EXD3: variants seen among roughly 807,000 people sequenced by gnomAD.
EXD3 encodes exonuclease 3'-5' domain containing 3, also known as exonuclease mut-7 homolog.
In EXD3, 92 loss-of-function variants were observed where a neutral mutation model predicts 98.0. That is an observed-to-expected ratio of 0.94 (90% CI 0.79 to 1.12). The LOEUF is 1.12. EXD3 is among the 50% of genes most tolerant of loss of function. EXD3 has a pLI of 0.00. For synonymous variants in EXD3, 569 were observed against 526.0 expected (o/e 1.08, Z -1.12); for missense variants, 1,222 against 1,191.6 (o/e 1.03, Z -0.38).
intron 7 of EXD3, among the ~76,000 whole-genome samples, chr9:137,363,631 A>C (rs908101395): frequency 6.6e-6 from 1 of 152,052 alleles, no homozygotes; most frequent in African/African-American, 2.4e-5. Context: ...GAGCCACTGC[A>C]TCCAACCATG....
rs546579680 is a variant in EXD3 at position 137,374,634 on chromosome 9, G to A, written c.121-1035C>T. On this transcript the variant is annotated intron_variant, in intron 3 of 21. Coordinates refer to ENST00000340951, the MANE Select transcript of EXD3 (RefSeq NM_017820.5). The stretch of plus-strand genomic sequence containing the variant: ...CACATGAGTGTGTGAGGAGACCTCA[G>A]CGCTGTCCAGGAGGGTGCCATGCCC... The A allele has an allele frequency of 1.8e-5, 18 of 985,520 alleles. No individual in the cohort carries two copies. The African/African-American group carries it at 3.0e-4, about 16-fold the overall frequency. The allele number at this position is 985,520 out of a possible 1,614,324, so 61.0% of individuals were successfully genotyped here. A position where few individuals can be genotyped will look rare whatever the true frequency, so the allele number is the denominator to read the frequency against.
chr9:137,373,733 C>G (rs544628303), intron 3 of EXD3, 134 bp from the exon 4 acceptor site: 1 of 981,884 alleles, frequency 1.0e-6, no homozygotes, highest in Admixed American at 2.9e-5. Flanking sequence ...CCGCCATCTG[C>G]GCCTCCGTGA....
chr9:137,419,991 C>G (rs1404156778), intron 1 of EXD3, among the ~76,000 whole-genome samples: 1 of 152,036 alleles, frequency 6.6e-6, no homozygotes, highest in Non-Finnish European at 1.5e-5. Flanking sequence ...AACCCCATCT[C>G]TACTAAAAAT....
intron 9 of EXD3, 150 bp from the exon 10 acceptor site, chr9:137,354,527 C>A (rs1834506409): frequency 6.5e-7 from 1 of 1,536,066 alleles, no homozygotes; most frequent in African/African-American, 1.4e-5. Flanking sequence ...AGAGCCAGGG[C>A]CCCATGGCCT....
chr9:137,366,966 G>A (rs999265238), intron 6 of EXD3, among the ~76,000 whole-genome samples: 7 of 152,224 alleles, frequency 4.6e-5, no homozygotes, highest in African/African-American at 7.2e-5. Flanking sequence ...ATGCCTTCTC[G>A]TGGCACATGG....
chr9:137,357,047 G>C (rs1021096234), intron 7 of EXD3, among the ~76,000 whole-genome samples: 10 of 152,200 alleles, frequency 6.6e-5, no homozygotes, highest in African/African-American at 2.4e-4. Flanking sequence ...CAAGACTTCT[G>C]GGTTGAGATA....
Position 137,361,112 on chromosome 9 carries a change from G to A in EXD3, c.657-4744C>T, listed in dbSNP as rs934279144. ...GTGATGGGAAGCGAGGCTGCCAATC[G>A]CTCCATCTTCCCTCCTGGAGAAACT... On this transcript the variant is annotated intron_variant, in intron 7 of 21. Coordinates refer to ENST00000340951, the MANE Select transcript of EXD3 (RefSeq NM_017820.5). Among the ~76,000 whole-genome samples, 9 of 87,186 alleles carry A rather than the reference G, an allele frequency of 1.0e-4. 2 individuals are homozygous for A. The highest frequency in any genetic ancestry group is 2.5e-4 in the African/African-American group (8 of 31,450). 57.2% of individuals were successfully genotyped at this position (87,186 alleles called of 152,430 possible).
intron 17 of EXD3, among the ~76,000 whole-genome samples, chr9:137,327,985 A>G (rs76244315): frequency 3.1e-4 from 1 of 3,258 alleles, no homozygotes; most frequent in Non-Finnish European, 1.1e-3. Flanking sequence ...ACTAATATAC[A>G]CCCATATGAT....
At position 137,328,620 on chromosome 9, in the gene EXD3, G is replaced by T. The variant is rs1325930848; in HGVS notation, c.1999-4477C>A. On this transcript the variant is annotated intron_variant, in intron 17 of 21. Transcript: ENST00000340951. ...CACGGGACTACACGGGGCTACACGG[G>T]ACTACACGGGACTACACGGGGCTAC... is the stretch of plus-strand genomic sequence containing the variant. 8.0e-5 allele frequency among the ~76,000 whole-genome samples: 7 copies of T among 86,958 alleles called. 1 individual carries two copies. Among genetic ancestry groups the T allele is most frequent in the South Asian group, 8.2e-4 (2 of 2,426 alleles). The allele number at this position is 86,958 out of a possible 152,430, so 57.0% of individuals were successfully genotyped here.
intron 4 of EXD3, 63 bp from the exon 5 acceptor site, chr9:137,373,135 T>G: frequency 6.7e-7 from 1 of 1,496,360 alleles, no homozygotes; most frequent in Non-Finnish European, 8.9e-7. Flanking sequence ...ATGGGGCCGA[T>G]TGAGGCAGGC....
At position 137,317,217 on chromosome 9, in the gene EXD3, C is replaced by T. The variant is rs76346393; in HGVS notation, c.2184+6508G>A. On this transcript the variant is annotated intron_variant, in intron 19 of 21. Transcript: ENST00000340951. ...CCAGGCGCGCACCTGCCAGCCCACG[C>T]GGGGCCTCTCCTGTTGGATGGGCAA... 3.3e-4 allele frequency among the ~76,000 whole-genome samples: 51 copies of T among 152,256 alleles called. 1 individual carries two copies. In the East Asian group the frequency reaches 8.7e-3, roughly 26 times the overall value.
intron 3 of EXD3, among the ~76,000 whole-genome samples, chr9:137,380,320 T>C (rs903403340): frequency 2.2e-3 from 26 of 11,786 alleles, no homozygotes; most frequent in Non-Finnish European, 3.6e-3. Context: ...TCCCCCCCAA[T>C]CCCCCTGCCA....
intron 19 of EXD3, among the ~76,000 whole-genome samples, chr9:137,316,111 C>G (rs1427317801): frequency 6.6e-6 from 1 of 150,554 alleles, no homozygotes; most frequent in Non-Finnish European, 1.5e-5. Context: ...CGGCGGGGCG[C>G]GGCGCGCTGG....
rs1408957571 is a variant in EXD3, at chr9:137,407,128, C to T, written c.-47-11724G>A. Among the ~76,000 whole-genome samples the T allele has an allele frequency of 6.6e-6, 1 of 152,154 alleles. No individual in the cohort carries two copies. Among genetic ancestry groups the T allele is most frequent in the East Asian group, 1.9e-4 (1 of 5,182 alleles). On this transcript the variant is annotated intron_variant, in intron 1 of 21. Transcript: ENST00000340951. This position sits in a 1 kb window ranked among gnomAD's most constrained non-coding sequence, Gnocchi z 4.4. ...GGAGCAGCCAGTCCCGGGCACCCCA[C>T]GCCGACCGCCGCGCGTCCGGGCCGG... is the stretch of plus-strand genomic sequence containing the variant.
chr9:137,314,957 G>A (rs1831564831), intron 19 of EXD3, among the ~76,000 whole-genome samples: 1 of 152,204 alleles, frequency 6.6e-6, no homozygotes, highest in African/African-American at 2.4e-5. Context: ...GTCTGCATGT[G>A]GGTGGGTGTC....
chr9:137,358,299 G>A lies in EXD3; in HGVS notation c.657-1931C>T, dbSNP rs182113419. ...CCAGAGGTGCTGTGGGCTGAGAAGC[G>A]TCTGTGCACCTCCAGCAAGGGTCTC... On this transcript the variant is annotated intron_variant, in intron 7 of 21. Coordinates refer to ENST00000340951, the MANE Select transcript of EXD3 (RefSeq NM_017820.5). 2.2e-3 allele frequency among the ~76,000 whole-genome samples: 334 copies of A among 152,306 alleles called. 1 individual carries two copies. The highest frequency in any genetic ancestry group is 6.8e-3 in the Middle Eastern group (2 of 294).
intron 1 of EXD3, among the ~76,000 whole-genome samples, chr9:137,414,066 G>C (rs1838129600): frequency 6.6e-6 from 1 of 151,856 alleles, no homozygotes; most frequent in Non-Finnish European, 1.5e-5. Flanking sequence ...ACAGGCGTCC[G>C]CCACCACGCC....
chr9:137,391,213 C>T (rs9696278), intron 2 of EXD3, among the ~76,000 whole-genome samples: 5,727 of 152,372 alleles, frequency 0.038, 374 homozygotes, highest in African/African-American at 0.13. Flanking sequence ...CGCACGTTCA[C>T]GGTGCATTAC....
intron 1 of EXD3, among the ~76,000 whole-genome samples, chr9:137,413,378 T>A (rs752142074): frequency 6.6e-6 from 1 of 151,976 alleles, no homozygotes; most frequent in Non-Finnish European, 1.5e-5. Context: ...TTTTTTGTAT[T>A]TTTAGTAGAG....
Sources: gnomAD v4.1 joint callset for allele counts (sites outside exome capture counted in the v4.1 genomes callset) on GRCh38, gnomAD v4.1.1 for gene constraint, Gnocchi (gnomAD v3.1) non-coding constraint, MANE v1.5 for transcripts, NCBI Gene and HGNC (gene_info 2026-07-23, HGNC 2026-07-21) for gene names.